The following FUT8 variants were observed in gnomAD, a reference collection of about 807,000 sequenced individuals.
FUT8 encodes the protein fucosyltransferase 8.
FUT8 carries 29 observed loss-of-function variants against 71.3 expected under a neutral mutation model. The observed-to-expected ratio is 0.41, with a 90% CI of 0.30 to 0.55. FUT8 has a LOEUF of 0.55. Among genes scored for constraint, FUT8 ranks in the 20% least tolerant of loss-of-function variants. The probability of loss-of-function intolerance (pLI) is 0.34; values close to 1 mark genes in which losing one functional copy is unlikely to be tolerated. For missense variants in FUT8, 544 were observed against 702.1 expected (o/e 0.77, Z 2.55); for synonymous variants, 254 against 239.3 (o/e 1.06, Z -0.57).
At chr14:65,631,946 T>C (rs1056515372) in intron 6 of FUT8, among the ~76,000 whole-genome samples, 2 of 151,268 alleles carry the variant, frequency 1.3e-5, no homozygotes, top group African/African-American at 4.8e-5. Context: ...TGAGAACATA[T>C]GGTATTTGGT....
In FUT8 at chr14:65,652,822, T is replaced by G; in HGVS notation, c.598-16421T>G. Among the ~76,000 whole-genome samples the G allele has an allele frequency of 1.3e-5, 2 of 152,196 alleles. 1 individual carries two copies. Among genetic ancestry groups the G allele is most frequent in the Middle Eastern group, 6.3e-3 (2 of 316 alleles). ...GTTAACAGGACCTCATGTGGAATAC[T>G]TGAAGGCTGGGCTGGAATCATCTGA... On this transcript the variant is annotated intron_variant, in intron 6 of 10. Transcript: ENST00000673929. This position sits in a 1 kb window ranked among gnomAD's most constrained non-coding sequence, Gnocchi z 4.0.
At chr14:65,418,541 A>G in intron 1 of FUT8, among the ~76,000 whole-genome samples, 1 of 152,334 alleles carries the variant, frequency 6.6e-6, no homozygotes, top group Non-Finnish European at 1.5e-5. Flanking sequence ...ATTGATAGTA[A>G]TATCTTAATT....
intron 1 of FUT8, among the ~76,000 whole-genome samples, chr14:65,432,384 TCTA>T (rs1465435576): frequency 2.1e-5 from 3 of 143,394 alleles, no homozygotes; most frequent in Non-Finnish European, 4.6e-5. Flanking sequence ...ATGTATTTTT[TCTA>T]CTTTCCTTTT....
At chr14:65,521,593 T>C (rs1056209745) in intron 2 of FUT8, among the ~76,000 whole-genome samples, 8 of 152,214 alleles carry the variant, frequency 5.3e-5, no homozygotes, top group African/African-American at 1.9e-4. Context: ...TTCGGATAAG[T>C]GTGTTTCAGA....
chr14:65,689,236 C>T (rs1447783329), intron 7 of FUT8, among the ~76,000 whole-genome samples: 3 of 152,180 alleles, frequency 2.0e-5, no homozygotes, highest in Non-Finnish European at 4.4e-5. Context: ...TTTTAATTTG[C>T]AATTCACTAG....
intron 1 of FUT8, among the ~76,000 whole-genome samples, chr14:65,429,687 AC>A (rs758906454): frequency 1.3e-5 from 2 of 151,816 alleles, no homozygotes; most frequent in African/African-American, 2.4e-5. Context: ...ACATGGTGAT[AC>A]CCCATCTTTA....
At chr14:65,518,823 G>A (rs940858507) in intron 2 of FUT8, among the ~76,000 whole-genome samples, 2 of 152,114 alleles carry the variant, frequency 1.3e-5, no homozygotes, top group African/African-American at 4.8e-5. Context: ...CCAGGCTTGT[G>A]GTTTCATTTT....
intron 2 of FUT8, among the ~76,000 whole-genome samples, chr14:65,534,476 G>C (rs1420066465): frequency 6.6e-6 from 1 of 151,144 alleles, no homozygotes; most frequent in South Asian, 2.1e-4. Flanking sequence ...AGTTTTAGTA[G>C]GTATGGTACT....
chr14:65,436,368 C>T (rs184538787), intron 1 of FUT8, among the ~76,000 whole-genome samples: 76 of 152,264 alleles, frequency 5.0e-4, no homozygotes, highest in African/African-American at 1.7e-3. Context: ...CAGTGGCTCA[C>T]ACGTGTAATC....
At chr14:65,455,906 C>T (rs575854127) in intron 2 of FUT8, among the ~76,000 whole-genome samples, 188 bp downstream of exon 2, 23 of 152,244 alleles carry the variant, frequency 1.5e-4, no homozygotes, top group Admixed American at 1.2e-3. Flanking sequence ...ATACAATATT[C>T]ACTGCATAAA....
intron 3 of FUT8, among the ~76,000 whole-genome samples, chr14:65,614,611 T>C (rs570798571): frequency 6.6e-6 from 1 of 152,318 alleles, no homozygotes; most frequent in Admixed American, 6.5e-5. Flanking sequence ...CGTTTGCCTT[T>C]TCCAGTTTCT....
intron 6 of FUT8, among the ~76,000 whole-genome samples, chr14:65,651,890 C>T (rs887162138): frequency 6.6e-6 from 1 of 152,020 alleles, no homozygotes; most frequent in East Asian, 1.9e-4. Context: ...TTATGGGGAC[C>T]TCTGAGAAAA....
At chr14:65,692,739 C>T (rs1390729459) in intron 7 of FUT8, among the ~76,000 whole-genome samples, 3 of 150,924 alleles carry the variant, frequency 2.0e-5, no homozygotes, top group Non-Finnish European at 4.4e-5. Context: ...AGGGGCTCCT[C>T]ACTTCTCAGA....
the FUT8 span, among the ~76,000 whole-genome samples, chr14:65,366,962 CGAA>C: frequency 6.6e-6 from 1 of 152,032 alleles, no homozygotes; most frequent in East Asian, 1.9e-4. Flanking sequence ...TAGAGAAAAG[CGAA>C]GAGCTGAGAA....
intron 7 of FUT8, among the ~76,000 whole-genome samples, chr14:65,717,880 T>C (rs1895207263): frequency 6.6e-6 from 1 of 152,244 alleles, no homozygotes; most frequent in Non-Finnish European, 1.5e-5. Flanking sequence ...CAGGTATAGC[T>C]ACTCCTGCTC....
At chr14:65,504,716 AT>A (rs35701706) in intron 2 of FUT8, among the ~76,000 whole-genome samples, 1 of 151,212 alleles carries the variant, frequency 6.6e-6, no homozygotes, top group Non-Finnish European at 1.5e-5. Context: ...TGCCCGGCTA[AT>A]TTTTTTTTGT....
chr14:65,537,376 A>T (rs1289455139), intron 2 of FUT8, among the ~76,000 whole-genome samples: 1 of 150,840 alleles, frequency 6.6e-6, no homozygotes, highest in Admixed American at 6.6e-5. Context: ...TATTACTATG[A>T]TTATTATTAT....
At chr14:65,468,077 A>G (rs1388277286) in intron 2 of FUT8, 4 of 643,206 alleles carry the variant, frequency 6.2e-6, no homozygotes, top group Non-Finnish European at 1.1e-5. Flanking sequence ...GTTGTTTACA[A>G]TACCAACAGC....
chr14:65,399,439 A>C, the FUT8 span, among the ~76,000 whole-genome samples: 1 of 152,350 alleles, frequency 6.6e-6, no homozygotes. Flanking sequence ...AGGACACTTG[A>C]AATCCAAGGC....
Sources: allele counts gnomAD v4.1 joint callset (sites outside exome capture counted in the v4.1 genomes callset), GRCh38; gene constraint gnomAD v4.1.1; non-coding constraint Gnocchi (gnomAD v3.1); transcripts MANE v1.5; gene names NCBI Gene and HGNC (gene_info 2026-07-23, HGNC 2026-07-21).